The following GRIA2 variants were observed in gnomAD, a reference collection of about 807,000 sequenced individuals.
GRIA2 encodes glutamate receptor 2.
GRIA2 carries 14 observed loss-of-function variants against 97.3 expected under a neutral mutation model. The ratio of observed to expected loss-of-function variants is 0.14; its 90% CI spans 0.10 to 0.23. GRIA2 has a LOEUF of 0.23. Ranked by LOEUF, GRIA2 falls within the 10% of genes least tolerant of loss-of-function variation. GRIA2 has a pLI of 1.00. For synonymous variants in GRIA2, 412 were observed against 387.8 expected (o/e 1.06, Z -0.73); for missense variants, 558 against 1,069.8 (o/e 0.52, Z 6.67).
chr4:157,267,145 G>T lies in GRIA2; in HGVS notation c.230-36407G>T, dbSNP rs550162999. On this transcript the variant is annotated intron_variant, in intron 2 of 15. Coordinates refer to ENST00000264426, the MANE Select transcript of GRIA2 (RefSeq NM_001083619.3). Reference sequence around the variant, plus strand: ...GCTTTGTGTTAAAAAAAAATGTTGGGCTGGGCACGGTGGCTCATGCCAGTA... The same window carrying T: ...GCTTTGTGTTAAAAAAAAATGTTGGTCTGGGCACGGTGGCTCATGCCAGTA... 7.4e-4 allele frequency among the ~76,000 whole-genome samples: 113 copies of T among 152,120 alleles called. 1 individual carries two copies. Among genetic ancestry groups the T allele is most frequent in the African/African-American group, 2.6e-3 (107 of 41,540 alleles).
chr4:157,280,836 G>A lies in GRIA2; in HGVS notation c.230-22716G>A, dbSNP rs145073251. Among the ~76,000 whole-genome samples the A allele has an allele frequency of 3.9e-5, 6 of 152,078 alleles. No homozygotes were observed. The East Asian group carries it at 1.2e-3, about 30-fold the overall frequency. On this transcript the variant is annotated intron_variant, in intron 2 of 15. Transcript: ENST00000264426. Reference sequence around the variant, plus strand: ...GAATTACATGCAGGCATAAATAACAGGAGTCATGATTTATTCTGAACTATT... The same window carrying A: ...GAATTACATGCAGGCATAAATAACAAGAGTCATGATTTATTCTGAACTATT...
At chr4:157,318,687 G>A (rs1734430370) in intron 5 of GRIA2, among the ~76,000 whole-genome samples, 1 of 152,066 alleles carries the variant, frequency 6.6e-6, no homozygotes, top group Non-Finnish European at 1.5e-5. Flanking sequence ...TACTGCTACA[G>A]AGTTTAATGT....
intron 12 of GRIA2, among the ~76,000 whole-genome samples, chr4:157,351,520 T>G (rs1246670827): frequency 6.6e-6 from 1 of 152,158 alleles, no homozygotes; most frequent in Admixed American, 6.5e-5. Context: ...TTGACAACTT[T>G]AAAGTCATTG....
chr4:157,329,655 G>T (rs1410065973), intron 6 of GRIA2, among the ~76,000 whole-genome samples: 2 of 151,868 alleles, frequency 1.3e-5, no homozygotes, highest in East Asian at 1.9e-4. Flanking sequence ...AACTAGTTTT[G>T]CATCAAGATA....
At chr4:157,220,491 CTT>C (rs1182733502), upstream of GRIA2, 3 of 152,038 alleles carry the variant, frequency 2.0e-5, no homozygotes, top group African/African-American at 7.2e-5. Flanking sequence ...CCGAGCTGTG[CTT>C]TCTCAGCGCC....
chr4:157,230,571 CTTCCTTCT>C lies in GRIA2; in HGVS notation c.229+8772_229+8779del, dbSNP rs879338729. On this transcript the variant is annotated intron_variant, in intron 2 of 15. Transcript: ENST00000264426. ...CCTTCCTTCCTTCTTTCCTTCCTTC[CTTCCTTCT>C]TTCCTTCCTTCCTTCCTTCTTCCTT... Among the ~76,000 whole-genome samples, 190 of 89,464 alleles carry C rather than the reference CTTCCTTCT, an allele frequency of 2.1e-3. 1 individual carries two copies. Among genetic ancestry groups the C allele is most frequent in the Non-Finnish European group, 3.9e-3 (172 of 44,666 alleles). 58.7% of individuals were successfully genotyped at this position (89,464 alleles called of 152,430 possible).
rs373889604 is a variant in GRIA2, at chr4:157,316,953, C to T, written c.667-705C>T. Among the ~76,000 whole-genome samples the T allele has an allele frequency of 1.5e-3, 223 of 152,226 alleles. 2 individuals carry two copies. The South Asian group carries it at 0.017, about 12-fold the overall frequency. ...CAAATTGATCAATAATGTCCAAAACCGTTGTCAGCATTACAACGATGACCA... is the reference window on the plus strand; with the variant it reads ...CAAATTGATCAATAATGTCCAAAACTGTTGTCAGCATTACAACGATGACCA... On this transcript the variant is annotated intron_variant, in intron 4 of 15. Coordinates refer to ENST00000264426, the MANE Select transcript of GRIA2 (RefSeq NM_001083619.3).
rs190243911 is a variant in GRIA2, at chr4:157,269,888, T to C, written c.230-33664T>C. ...AAGACAGAGACTGAATGATATACTT[T>C]TGAGCTTTCTTTTATGCTCATATAT... On this transcript the variant is annotated intron_variant, in intron 2 of 15. Coordinates refer to ENST00000264426, the MANE Select transcript of GRIA2 (RefSeq NM_001083619.3). Among the ~76,000 whole-genome samples the C allele has an allele frequency of 2.0e-5, 3 of 152,242 alleles. No homozygotes were observed. The East Asian group carries it at 5.8e-4, about 29-fold the overall frequency.
Position 157,363,429 on chromosome 4 carries a change from T to C in GRIA2, c.*4-6T>C. ...TTTTCTTTCTTTCCCTCCTCTCTCA[T>C]TTAAGATGACCTTGAATGATGCCAT... On this transcript the variant is annotated splice_polypyrimidine_tract_variant and splice_region_variant and intron_variant, in intron 15 of 15. Transcript: ENST00000264426. The C allele has an allele frequency of 5.6e-6, 7 of 1,244,356 alleles. No individual in the cohort carries two copies. The highest frequency in any genetic ancestry group is 7.1e-6 in the Non-Finnish European group (7 of 992,576). The allele number at this position is 1,244,356 out of a possible 1,614,324, so 77.1% of individuals were successfully genotyped here. A position where few individuals can be genotyped will look rare whatever the true frequency, so the allele number is the denominator to read the frequency against.
chr4:157,357,813 C>T (rs1355716879), intron 12 of GRIA2, among the ~76,000 whole-genome samples: 1 of 151,852 alleles, frequency 6.6e-6, no homozygotes, highest in East Asian at 1.9e-4. Flanking sequence ...TTTTAAAATC[C>T]TTTCATTCTT....
intron 2 of GRIA2, among the ~76,000 whole-genome samples, chr4:157,279,352 C>A (rs1387772405): frequency 2.0e-5 from 3 of 152,054 alleles, no homozygotes; most frequent in Non-Finnish European, 2.9e-5. Flanking sequence ...GAAAAGGCTA[C>A]ATTCTGTGTG....
chr4:157,296,730 T>G (rs982157767), intron 2 of GRIA2, among the ~76,000 whole-genome samples: 2 of 152,026 alleles, frequency 1.3e-5, no homozygotes, highest in African/African-American at 4.8e-5. Flanking sequence ...AGTTCATAAT[T>G]AGGGAGGATC....
intron 2 of GRIA2, among the ~76,000 whole-genome samples, chr4:157,292,444 G>A (rs181005428): frequency 6.6e-6 from 1 of 151,894 alleles, no homozygotes; most frequent in Non-Finnish European, 1.5e-5. Flanking sequence ...AAACATCCCA[G>A]AATAGTTTGA....
chr4:157,306,689 T>G (rs1470193183), intron 3 of GRIA2, among the ~76,000 whole-genome samples: 1 of 152,214 alleles, frequency 6.6e-6, no homozygotes, highest in Non-Finnish European at 1.5e-5. Flanking sequence ...TGTAATATTT[T>G]ACTTGGCTCA....
chr4:157,363,080 T>C (rs1273631333), intron 15 of GRIA2, 33 bp downstream of exon 15: 1 of 1,574,132 alleles, frequency 6.4e-7, no homozygotes, highest in Non-Finnish European at 8.6e-7. Context: ...AACTTTTTAG[T>C]GCACGTTTAG....
intron 2 of GRIA2, among the ~76,000 whole-genome samples, chr4:157,244,887 T>C (rs1249102212): frequency 2.6e-5 from 4 of 152,060 alleles, no homozygotes; most frequent in Non-Finnish European, 5.9e-5. Flanking sequence ...TGTAGCTATG[T>C]CTTTGATTAC....
intron 2 of GRIA2, among the ~76,000 whole-genome samples, chr4:157,295,292 A>G (rs754189245): frequency 3.5e-4 from 53 of 152,158 alleles, no homozygotes; most frequent in South Asian, 4.1e-4. Flanking sequence ...CTGAGTGATG[A>G]TGTTGCATCA....
At position 157,221,658 on chromosome 4, in the gene GRIA2, T is replaced by G; in HGVS notation, c.89-9T>G. 6.2e-7 allele frequency: 1 copy of G among 1,613,840 alleles called. No homozygotes were observed. The highest frequency in any genetic ancestry group is 8.5e-7 in the Non-Finnish European group (1 of 1,179,820). ...CACTGTTCTCTTGCTTGCTGTTTGT[T>G]CTTTGCAGGGGGGCTATTTCCTAGG... On this transcript the variant is annotated splice_polypyrimidine_tract_variant and intron_variant, in intron 1 of 15. Coordinates refer to ENST00000264426, the MANE Select transcript of GRIA2 (RefSeq NM_001083619.3).
intron 2 of GRIA2, among the ~76,000 whole-genome samples, chr4:157,299,503 GTTC>G (rs1415111884): frequency 6.6e-6 from 1 of 152,044 alleles, no homozygotes; most frequent in African/African-American, 2.4e-5. Flanking sequence ...AACATACTCA[GTTC>G]TTCTCCCTTT....
Sources: allele counts gnomAD v4.1 joint callset (sites outside exome capture counted in the v4.1 genomes callset), GRCh38; gene constraint gnomAD v4.1.1; transcripts MANE v1.5; gene names NCBI Gene and HGNC (gene_info 2026-07-23, HGNC 2026-07-21).